The following ZNF418 variants were observed in gnomAD, a reference collection of about 807,000 sequenced individuals.
ZNF418 encodes zinc finger protein 418.
ZNF418 carries 32 observed loss-of-function variants against 32.0 expected under a neutral mutation model. The observed-to-expected ratio is 1.00, with a 90% CI of 0.75 to 1.34. ZNF418 has a LOEUF of 1.34. Among genes scored for constraint, ZNF418 ranks in the 40% most tolerant of loss-of-function variants. The pLI is 0.00. For synonymous variants in ZNF418, 276 were observed against 270.7 expected, an observed-to-expected ratio of 1.02 and a Z score of -0.19; for missense variants, 804 against 812.5, an observed-to-expected ratio of 0.99 and a Z score of 0.13.
intron 4 of ZNF418, among the ~76,000 whole-genome samples, chr19:57,923,537 C>CAT (rs965951883): frequency 4.1e-5 from 5 of 123,236 alleles, no homozygotes; most frequent in African/African-American, 1.2e-4. Context: ...CATATATATA[C>CAT]ATACACACAC....
At chr19:57,931,740 C>T (rs1226877712) in intron 2 of ZNF418, among the ~76,000 whole-genome samples, 2 of 150,974 alleles carry the variant, frequency 1.3e-5, no homozygotes, top group Non-Finnish European at 3.0e-5. Flanking sequence ...GTATGTGCAA[C>T]ATCAACCACT....
At chr19:57,924,468 G>C (rs2122691283) in intron 4 of ZNF418, among the ~76,000 whole-genome samples, 1 of 152,278 alleles carries the variant, frequency 6.6e-6, no homozygotes, top group East Asian at 1.9e-4. Flanking sequence ...AGCTACACAA[G>C]ATTCATAATT....
In ZNF418 at chr19:57,926,090, A is replaced by C. The variant is rs1431399412; in HGVS notation, c.*60T>G. 1 of 1,415,800 alleles carries C rather than the reference A, an allele frequency of 7.1e-7. No individual in the cohort carries two copies. Among genetic ancestry groups the C allele is most frequent in the East Asian group, 2.3e-5 (1 of 43,860 alleles). 87.7% of individuals were successfully genotyped at this position (1,415,800 alleles called of 1,614,324 possible). ...ACACTCATAAGGTCCTGATCCAGTA[A>C]GAACCCTCTGATCAAGAAGATGCAC... On this transcript the variant is annotated 3_prime_UTR_variant, in exon 4 of 6. Transcript: ENST00000396147.
At chr19:57,930,591 C>A (rs761874083) in intron 2 of ZNF418, 37 bp from the exon 3 acceptor site, 5 of 1,612,814 alleles carry the variant, frequency 3.1e-6, no homozygotes, top group Non-Finnish European at 4.2e-6. Context: ...ACAAACAGCT[C>A]CTATGCTGAG....
Position 57,926,146 on chromosome 19 carries a change from C to T in ZNF418, c.*4G>A. 6.3e-7 allele frequency: 1 copy of T among 1,599,770 alleles called. No homozygotes were observed. Among genetic ancestry groups the T allele is most frequent in the Non-Finnish European group, 8.5e-7 (1 of 1,172,540 alleles). Reference sequence around the variant, plus strand: ...TTTAGCTAAAGAATTTCCCAAATTTCTTTTCACTTGTAAGGACTTCTTTCT... The same window carrying T: ...TTTAGCTAAAGAATTTCCCAAATTTTTTTTCACTTGTAAGGACTTCTTTCT... On this transcript the variant is annotated 3_prime_UTR_variant, in exon 4 of 6. Transcript: ENST00000396147.
rs373501702 is a variant in ZNF418 at position 57,933,855 on chromosome 19, C to A, written c.-33G>T. On this transcript the variant is annotated 5_prime_UTR_variant, in exon 2 of 6. In the 5' UTR this introduces an upstream ATG that the reference lacks. Transcript: ENST00000396147. ...GGAGTTTAAACTCTGATCCTCCTTCCTCCTCCCTCAAACACAGTGTGTTCT... is the reference window on the plus strand; with the variant it reads ...GGAGTTTAAACTCTGATCCTCCTTCATCCTCCCTCAAACACAGTGTGTTCT... 181 of 1,614,136 alleles carry A rather than the reference C, an allele frequency of 1.1e-4. No individual in the cohort carries two copies. The highest frequency in any genetic ancestry group is 1.5e-4 in the Non-Finnish European group (178 of 1,180,034).
intron 4 of ZNF418, among the ~76,000 whole-genome samples, chr19:57,924,574 T>A (rs935187567): frequency 1.3e-5 from 2 of 152,220 alleles, no homozygotes; most frequent in Admixed American, 1.3e-4. Flanking sequence ...GTTCTTGCAG[T>A]GTCCTCCACT....
intron 1 of ZNF418, among the ~76,000 whole-genome samples, chr19:57,934,512 G>A (rs1235063340): frequency 2.0e-5 from 3 of 152,124 alleles, no homozygotes; most frequent in African/African-American, 4.8e-5. Flanking sequence ...CACCTTGCCC[G>A]ACCCCCTCAG....
At chr19:57,923,865 C>A (rs1307173519) in intron 4 of ZNF418, among the ~76,000 whole-genome samples, 2 of 152,004 alleles carry the variant, frequency 1.3e-5, no homozygotes, top group Admixed American at 6.6e-5. Flanking sequence ...CGTGAGCCAC[C>A]GTGCCTGGCC....
At chr19:57,925,482 CAT>C (rs1360928793) in intron 4 of ZNF418, 139 bp downstream of exon 4, 1 of 151,580 alleles carries the variant, frequency 6.6e-6, no homozygotes, top group Non-Finnish European at 1.5e-5. Context: ...AAAAATATCA[CAT>C]GAGACCCATA....
chr19:57,923,720 G>A lies in ZNF418; in HGVS notation c.*528-431C>T, dbSNP rs538862913. 1.1e-4 allele frequency among the ~76,000 whole-genome samples: 16 copies of A among 151,860 alleles called. No individual in the cohort carries two copies. The South Asian group carries it at 1.9e-3, about 18-fold the overall frequency. Reference sequence around the variant, plus strand: ...CTCCCGAGTAGCTGGGACTACAGGCGCCTGCCACCACGCCCAGCTAATTTT... The same window carrying A: ...CTCCCGAGTAGCTGGGACTACAGGCACCTGCCACCACGCCCAGCTAATTTT... On this transcript the variant is annotated intron_variant, in intron 4 of 5. Coordinates refer to ENST00000396147, the MANE Select transcript of ZNF418 (RefSeq NM_133460.3).
chr19:57,933,924 G>A (rs928497749), intron 1 of ZNF418, 22 bp from the exon 2 acceptor site: 9 of 1,611,014 alleles, frequency 5.6e-6, no homozygotes, highest in Non-Finnish European at 6.8e-6. Flanking sequence ...TGGGACTGTG[G>A]TAACATCACC....
At chr19:57,933,590 G>A (rs1268044409) in intron 2 of ZNF418, among the ~76,000 whole-genome samples, 1 of 152,124 alleles carries the variant, frequency 6.6e-6, no homozygotes, top group Admixed American at 6.5e-5. Context: ...GCATGGTGAC[G>A]GGCGCCTGTA....
intron 3 of ZNF418, 84 bp downstream of exon 3, chr19:57,930,344 T>A: frequency 6.3e-7 from 1 of 1,597,718 alleles, no homozygotes; most frequent in Admixed American, 1.7e-5. Flanking sequence ...GGTCCTGACA[T>A]GATAAAAGAC....
At chr19:57,923,441 T>A in intron 4 of ZNF418, among the ~76,000 whole-genome samples, 152 bp from the exon 5 acceptor site, 1 of 136,076 alleles carries the variant, frequency 7.3e-6, no homozygotes. Context: ...TACACACACA[T>A]ACATATATAC....
rs145236381 is a variant in ZNF418 at position 57,930,061 on chromosome 19, C to G, written c.133+367G>C. On this transcript the variant is annotated intron_variant, in intron 3 of 5. Coordinates refer to ENST00000396147, the MANE Select transcript of ZNF418 (RefSeq NM_133460.3). ...CAACGGGAGTGATGGCAATTCCTGC[C>G]ACAGGCAGGCATCAAGTAATGTCAG... Among the ~76,000 whole-genome samples, 639 of 152,288 alleles carry G rather than the reference C, an allele frequency of 4.2e-3. 4 individuals are homozygous for G. Among genetic ancestry groups the G allele is most frequent in the African/African-American group, 0.015 (619 of 41,566 alleles).
rs776331808 is a variant in ZNF418, at chr19:57,927,808, G to A, written c.373C>T (p.Arg125Cys). ...WGNKLYDSSN[R>C]PHQNQYLGEK... The stretch of plus-strand genomic sequence containing the variant: ...CCAAGGTACTGATTCTGGTGCGGAC[G>A]GTTTGAACTATCATACAATTTATTC... The change falls in exon 4 of 6, where the codon CGT becomes TGT. Residue 125 changes from arginine to cysteine, a missense_variant. Physicochemically the swap from Arg to Cys is radical, Grantham distance 180 (BLOSUM62 -3). Coordinates refer to ENST00000396147, the MANE Select transcript of ZNF418 (RefSeq NM_133460.3). 1.4e-5 allele frequency: 23 copies of A among 1,614,028 alleles called. No homozygotes were observed. Among genetic ancestry groups the A allele is most frequent in the South Asian group, 5.5e-5 (5 of 91,090 alleles).
chr19:57,930,395 T>C (rs777469800), intron 3 of ZNF418, 33 bp downstream of exon 3: 29 of 1,613,684 alleles, frequency 1.8e-5, no homozygotes, highest in Non-Finnish European at 2.4e-5. Flanking sequence ...CAGAGATCTA[T>C]TCAGGAAATA....
chr19:57,934,463 G>A (rs1382200009), intron 1 of ZNF418, among the ~76,000 whole-genome samples: 2 of 152,114 alleles, frequency 1.3e-5, no homozygotes, highest in East Asian at 3.9e-4. Flanking sequence ...TGATCCGCCC[G>A]CCTCGGCCTC....
Sources: allele counts gnomAD v4.1 joint callset (sites outside exome capture counted in the v4.1 genomes callset), GRCh38; gene constraint gnomAD v4.1.1; transcripts MANE v1.5; gene names NCBI Gene and HGNC (gene_info 2026-07-23, HGNC 2026-07-21).